Variants in ZNF469 observed in about 807,000 individuals in gnomAD.
The protein encoded by ZNF469 is zinc finger protein 469.
ZNF469 carries 1 observed loss-of-function variant against 1.0 expected under a neutral mutation model. The observed-to-expected ratio is 1.00, with a 90% CI of 0.35 to 4.73. ZNF469 has a LOEUF of 4.73. ZNF469 is among the 30% of genes most tolerant of loss of function. The pLI is 0.16. For missense variants in ZNF469, 6,100 were observed against 5,356.3 expected (o/e 1.14, Z -4.33); for synonymous variants, 2,703 against 2,363.4 (o/e 1.14, Z -4.17).
chr16:88,333,190 TCCTGAGAGCCTCCA>T, the ZNF469 span, among the ~76,000 whole-genome samples: 1 of 152,120 alleles, frequency 6.6e-6, no homozygotes, highest in Non-Finnish European at 1.5e-5. Flanking sequence ...GCTTGATGCT[TCCTGAGAGCCTCCA>T]CCCACCCAGA....
the ZNF469 span, among the ~76,000 whole-genome samples, chr16:88,316,624 G>A: frequency 6.8e-6 from 1 of 147,390 alleles, no homozygotes; most frequent in Non-Finnish European, 1.5e-5. Context: ...TTGGCTCACT[G>A]CAACCTCCAC....
the ZNF469 span, among the ~76,000 whole-genome samples, chr16:88,146,829 CT>C: frequency 6.6e-6 from 1 of 152,014 alleles, no homozygotes; most frequent in Non-Finnish European, 1.5e-5. Flanking sequence ...GAAGGGACCC[CT>C]GGGGCTGAAC....
the ZNF469 span, among the ~76,000 whole-genome samples, chr16:88,147,188 G>A: frequency 1.3e-5 from 2 of 152,082 alleles, no homozygotes; most frequent in African/African-American, 4.8e-5. Flanking sequence ...CCACGCAGCT[G>A]GCTCTGATGG....
the ZNF469 span, among the ~76,000 whole-genome samples, chr16:88,288,010 G>A: frequency 3.3e-5 from 5 of 152,068 alleles, no homozygotes; most frequent in African/African-American, 1.2e-4. Flanking sequence ...CACTCCAGTT[G>A]TATAAATCTC....
the ZNF469 span, among the ~76,000 whole-genome samples, chr16:88,304,016 T>G: frequency 3.3e-5 from 5 of 152,186 alleles, no homozygotes; most frequent in Admixed American, 3.3e-4. Flanking sequence ...TGAGGCAGCT[T>G]TCCAGAGGTA....
the ZNF469 span, among the ~76,000 whole-genome samples, chr16:88,166,094 AGT>A: frequency 2.0e-5 from 3 of 152,268 alleles, no homozygotes; most frequent in East Asian, 1.9e-4. The surrounding 1 kb of genome is among the most constrained non-coding windows in gnomAD (Gnocchi z 4.5). Flanking sequence ...CTGCGTGTAG[AGT>A]GAGATTCATG....
the ZNF469 span, among the ~76,000 whole-genome samples, chr16:88,222,231 C>A: frequency 6.6e-6 from 1 of 152,222 alleles, no homozygotes; most frequent in Non-Finnish European, 1.5e-5. Context: ...TGGCTACACA[C>A]CCACTAATTG....
chr16:88,161,830 G>A, the ZNF469 span, among the ~76,000 whole-genome samples: 15 of 152,322 alleles, frequency 9.8e-5, no homozygotes, highest in South Asian at 1.7e-3. Flanking sequence ...TGGACTTGGC[G>A]TGCAGTGTTA....
the ZNF469 span, among the ~76,000 whole-genome samples, chr16:88,121,868 C>G: frequency 6.6e-6 from 1 of 152,260 alleles, no homozygotes; most frequent in Non-Finnish European, 1.5e-5. Context: ...TCACTGGCCA[C>G]TAGAACAGAG....
intron 1 of ZNF469, among the ~76,000 whole-genome samples, chr16:88,392,517 G>C (rs1416662130): frequency 2.6e-5 from 4 of 152,208 alleles, no homozygotes; most frequent in Non-Finnish European, 5.9e-5. Flanking sequence ...GCCTGGATCA[G>C]ACCCCCTCGG....
At chr16:88,260,654 G>C in the ZNF469 span, among the ~76,000 whole-genome samples, 1 of 152,164 alleles carries the variant, frequency 6.6e-6, no homozygotes, top group African/African-American at 2.4e-5. This position sits in a 1 kb window ranked among gnomAD's most constrained non-coding sequence, Gnocchi z 4.1. Flanking sequence ...CTAGGATATA[G>C]AGCTAAATGC....
chr16:88,251,538 CTTTTTTTTTTTTTTTTTTTTTT>C, the ZNF469 span, among the ~76,000 whole-genome samples: 6 of 51,236 alleles, frequency 1.2e-4, no homozygotes, highest in East Asian at 8.8e-4. Context: ...TCCCTGCTGT[CTTTTTTTTTTTTTTTTTTTTTT>C]TTTTTTTTTT....
intron 1 of ZNF469, among the ~76,000 whole-genome samples, chr16:88,410,124 G>A (rs1905110588): frequency 1.3e-5 from 2 of 152,222 alleles, no homozygotes; most frequent in African/African-American, 4.8e-5. Context: ...TAACTTAGCA[G>A]ATCAGGGAAG....
At chr16:88,227,046 T>C in the ZNF469 span, among the ~76,000 whole-genome samples, 1 of 143,798 alleles carries the variant, frequency 7.0e-6, no homozygotes, top group East Asian at 2.1e-4. Context: ...CCGTGCCTCC[T>C]CCGCGCCGGG....
At chr16:88,130,923 G>C in the ZNF469 span, among the ~76,000 whole-genome samples, 1 of 152,188 alleles carries the variant, frequency 6.6e-6, no homozygotes, top group African/African-American at 2.4e-5. Flanking sequence ...TGTCGGCAGA[G>C]ACAGGCGGAA....
chr16:88,255,476 A>G, the ZNF469 span, among the ~76,000 whole-genome samples: 2 of 152,250 alleles, frequency 1.3e-5, no homozygotes, highest in Admixed American at 6.5e-5. Flanking sequence ...TCACAGCAAC[A>G]TTGAGCAGAA....
chr16:88,305,576 TCACAGGCACACACGCA>T, the ZNF469 span, among the ~76,000 whole-genome samples: 1 of 113,874 alleles, frequency 8.8e-6, no homozygotes, highest in African/African-American at 3.4e-5. Context: ...GCACACACGC[TCACAGGCACACACGCA>T]CACCCTCACA....
chr16:88,147,541 G>A, the ZNF469 span, among the ~76,000 whole-genome samples: 1 of 152,068 alleles, frequency 6.6e-6, no homozygotes, highest in Non-Finnish European at 1.5e-5. Context: ...GGTGCTGGGA[G>A]GAGAGGCCAG....
chr16:88,139,131 T>C, the ZNF469 span, among the ~76,000 whole-genome samples: 1 of 152,188 alleles, frequency 6.6e-6, no homozygotes, highest in African/African-American at 2.4e-5. Flanking sequence ...GTTTCGGAGA[T>C]CCTGAGAATT....
Sources: gnomAD v4.1 joint callset for allele counts (sites outside exome capture counted in the v4.1 genomes callset) on GRCh38, gnomAD v4.1.1 for gene constraint, Gnocchi (gnomAD v3.1) non-coding constraint, MANE v1.5 for transcripts, NCBI Gene and HGNC (gene_info 2026-07-23, HGNC 2026-07-21) for gene names.